Variants in DST observed in about 807,000 individuals in gnomAD.
DST encodes the protein bullous pemphigoid antigen.
Under a neutral mutation model 875.2 loss-of-function variants are expected in DST, and 253 were observed. The ratio of observed to expected loss-of-function variants is 0.29; its 90% CI spans 0.26 to 0.32. The LOEUF is 0.32. DST is among the 10% of genes least tolerant of loss of function. The pLI is 1.00. For synonymous variants in DST, 3,124 were observed against 3,197.1 expected (o/e 0.98, Z 0.77); for missense variants, 8,287 against 9,111.6 (o/e 0.91, Z 3.68).
chr6:56,529,714 G>A lies in DST; in HGVS notation c.17329C>T (p.Gln5777Ter). The A allele has an allele frequency of 6.2e-7, 1 of 1,612,778 alleles. No homozygotes were observed. The highest frequency in any genetic ancestry group is 8.5e-7 in the Non-Finnish European group (1 of 1,179,440). The change falls in exon 66 of 104, where the codon CAG becomes TAG. Residue 5777 changes from glutamine to a stop codon, truncating the protein, a stop_gained. Coordinates refer to ENST00000680361, the MANE Select transcript of DST (RefSeq NM_001374736.1). LOFTEE classifies it high-confidence loss of function. ...CTGGAGCTCAAAACCTTTAAGGACTGGCCAATGCTAACAGCCTGGTGTAAA... is the reference window on the plus strand; with the variant it reads ...CTGGAGCTCAAAACCTTTAAGGACTAGCCAATGCTAACAGCCTGGTGTAAA... ...KHLHQAVSIG[Q>*]SLKVLSSRED...
rs748686690 is a variant in DST, at chr6:56,639,734, T to C, written c.2659A>G (p.Lys887Glu). The C allele has an allele frequency of 6.2e-7, 1 of 1,613,734 alleles. No individual in the cohort carries two copies. The highest frequency in any genetic ancestry group is 1.3e-5 in the African/African-American group (1 of 74,904). Residue 887 changes from lysine to glutamate, a missense_variant, in exon 20 of 104, where the codon AAG becomes GAG. By Grantham distance (56) the Lys-to-Glu change is moderately conservative. Around this residue, in one of 10 missense-constraint regions of DST, gnomAD observed 1,160 missense variants for 1,424.3 expected, o/e 0.81. Coordinates refer to ENST00000680361, the MANE Select transcript of DST (RefSeq NM_001374736.1). Reference protein sequence around the residue: ...TAPLKLTYAEKLHRLESQYAK... With the variant: ...TAPLKLTYAEELHRLESQYAK... The stretch of plus-strand genomic sequence containing the variant: ...TACTGACTCTCTAATCTGTGCAACT[T>C]TTCTGCATAAGTCAGTTTAAGAGGT...
At chr6:56,742,509 A>G (rs1380134363) in intron 4 of DST, 1 of 398,146 alleles carries the variant, frequency 2.5e-6, no homozygotes, top group African/African-American at 2.1e-5. Flanking sequence ...ACAAAGCCAG[A>G]CTCCTCTACT....
chr6:56,519,517 G>A (rs1319738556), intron 69 of DST, among the ~76,000 whole-genome samples: 1 of 152,110 alleles, frequency 6.6e-6, no homozygotes, highest in African/African-American at 2.4e-5. Context: ...CCCCCACTAA[G>A]CAATAACGAA....
chr6:56,615,128 T>C, intron 36 of DST: 1 of 1,061,806 alleles, frequency 9.4e-7, no homozygotes, highest in Non-Finnish European at 1.1e-6. Context: ...TCCATGGTGC[T>C]TCATGACGTG....
intron 5 of DST, among the ~76,000 whole-genome samples, chr6:56,725,105 A>T: frequency 6.6e-6 from 1 of 152,214 alleles, no homozygotes; most frequent in East Asian, 1.9e-4. Flanking sequence ...AGAAAGGTTC[A>T]AAGTCATACT....
chr6:56,825,369 C>T (rs965610514), intron 4 of DST, among the ~76,000 whole-genome samples: 1 of 149,576 alleles, frequency 6.7e-6, no homozygotes, highest in Non-Finnish European at 1.5e-5. Flanking sequence ...TGCAGAAGGC[C>T]GCAGGGTCCT....
intron 2 of DST, among the ~76,000 whole-genome samples, chr6:56,953,472 C>T (rs185100792): frequency 6.6e-6 from 1 of 152,372 alleles, no homozygotes; most frequent in African/African-American, 2.4e-5. Flanking sequence ...CCAGAAAACA[C>T]TTCCACCAGC....
intron 2 of DST, among the ~76,000 whole-genome samples, chr6:56,937,534 T>A (rs1335151303): frequency 6.6e-6 from 1 of 152,178 alleles, no homozygotes; most frequent in Non-Finnish European, 1.5e-5. Flanking sequence ...GTCAAGATAC[T>A]GGACCCCACA....
At chr6:56,896,930 T>A (rs1175675609) in intron 3 of DST, among the ~76,000 whole-genome samples, 1 of 152,268 alleles carries the variant, frequency 6.6e-6, no homozygotes, top group African/African-American at 2.4e-5. Context: ...TTTACTCTGA[T>A]GACTGTTCCT....
intron 17 of DST, among the ~76,000 whole-genome samples, chr6:56,641,368 C>T (rs953409060): frequency 6.6e-6 from 1 of 152,106 alleles, no homozygotes; most frequent in African/African-American, 2.4e-5. Context: ...AGGTGGATCA[C>T]TTAAGGTCAG....
intron 4 of DST, chr6:56,742,173 T>C: frequency 1.4e-6 from 1 of 705,284 alleles, no homozygotes; most frequent in Admixed American, 2.3e-5. Flanking sequence ...TGCCCGACAA[T>C]CAGCTGAACT....
At chr6:56,551,484 T>C (rs896732279) in intron 61 of DST, among the ~76,000 whole-genome samples, 5 of 152,222 alleles carry the variant, frequency 3.3e-5, no homozygotes, top group Non-Finnish European at 4.4e-5. Context: ...ACTTCTGTTC[T>C]CACTATCATA....
intron 61 of DST, among the ~76,000 whole-genome samples, chr6:56,541,775 CTGGT>C (rs1275379669): frequency 2.0e-5 from 3 of 152,074 alleles, no homozygotes; most frequent in African/African-American, 4.8e-5. Flanking sequence ...ATCCTTTTAC[CTGGT>C]TGATTTTAGG....
intron 3 of DST, among the ~76,000 whole-genome samples, chr6:56,882,634 A>G (rs1782755808): frequency 6.6e-6 from 1 of 152,238 alleles, no homozygotes; most frequent in Admixed American, 6.5e-5. Flanking sequence ...AGAGTCACAT[A>G]ATGGCATGTA....
rs1467618321 is a variant in DST at position 56,527,748 on chromosome 6, G to T, written c.17681-14C>A. ...AAACTTCATCACCTAAAATTTCAAAGTCACGTTATTTCTTATGAAGGAAAA... is the reference window on the plus strand; with the variant it reads ...AAACTTCATCACCTAAAATTTCAAATTCACGTTATTTCTTATGAAGGAAAA... On this transcript the variant is annotated splice_polypyrimidine_tract_variant and intron_variant, in intron 67 of 103. Transcript: ENST00000680361. 1 of 1,585,196 alleles carries T rather than the reference G, an allele frequency of 6.3e-7. No homozygotes were observed. The highest frequency in any genetic ancestry group is 8.6e-7 in the Non-Finnish European group (1 of 1,165,088).
In DST at chr6:56,593,787, A is replaced by G. The variant is rs1554439668; in HGVS notation, c.12602T>C (p.Val4201Ala). ...GCTGCAAGATTTGGCAGCTTCCAACACTCTGTTTCCAGAAATTGTGATGTA... is the reference window on the plus strand; with the variant it reads ...GCTGCAAGATTTGGCAGCTTCCAACGCTCTGTTTCCAGAAATTGTGATGTA... ...LRYITISGNRVLEAAKSCSKR... is the reference protein window; with the variant it reads ...LRYITISGNRALEAAKSCSKR... The change falls in exon 48 of 104, where the codon GTG becomes GCG. Residue 4201 changes from valine (V) to alanine (A), a missense_variant. Val to Ala is a moderately conservative substitution (Grantham distance 64, BLOSUM62 0). Coordinates refer to ENST00000680361, the MANE Select transcript of DST (RefSeq NM_001374736.1). 3 of 1,613,688 alleles carry G rather than the reference A, an allele frequency of 1.9e-6. No homozygotes were observed. In the South Asian group the frequency reaches 3.3e-5, roughly 18 times the overall value.
intron 10 of DST, among the ~76,000 whole-genome samples, chr6:56,653,420 T>C (rs1276223033): frequency 6.6e-6 from 1 of 152,146 alleles, no homozygotes; most frequent in East Asian, 1.9e-4. Context: ...GTGCGGTGGC[T>C]CATACCTATA....
Position 56,492,397 on chromosome 6 carries a change from T to C in DST, c.20587A>G (p.Ile6863Val), listed in dbSNP as rs2095779268. 2 of 1,613,636 alleles carry C rather than the reference T, an allele frequency of 1.2e-6. No homozygotes were observed. The highest frequency in any genetic ancestry group is 1.3e-5 in the African/African-American group (1 of 74,894). ...GTTCCAGTTTTGTCCAGCTCTATTA[T>C]CTGCTCACGATGAGAATTTACTTCA... ...ANEVNSHREQIIELDKTGTHL... is the reference protein window; with the variant it reads ...ANEVNSHREQVIELDKTGTHL... The change falls in exon 85 of 104, where the codon ATA becomes GTA. Residue 6863 changes from isoleucine to valine, a missense_variant. By Grantham distance (29) the Ile-to-Val change is conservative (BLOSUM62 3). This residue lies in a region of DST where 1,292 missense variants were observed against 1,552.7 expected (regional missense o/e 0.83). Transcript: ENST00000680361.
intron 2 of DST, among the ~76,000 whole-genome samples, chr6:56,942,580 A>G (rs987288081): frequency 2.0e-5 from 3 of 151,960 alleles, no homozygotes; most frequent in Non-Finnish European, 4.4e-5. Context: ...TTGCAAATGT[A>G]TAGGAATTCC....
Sources: gnomAD v4.1 joint callset for allele counts (sites outside exome capture counted in the v4.1 genomes callset) on GRCh38, gnomAD v4.1.1 for gene constraint, gnomAD v4.1.1 regional missense constraint, MANE v1.5 for transcripts, NCBI Gene and HGNC (gene_info 2026-07-23, HGNC 2026-07-21) for gene names.